The following ARMC3 variants were observed in gnomAD, a reference collection of about 807,000 sequenced individuals.
ARMC3 encodes armadillo repeat-containing protein 3.
ARMC3 carries 74 observed loss-of-function variants against 90.3 expected under a neutral mutation model. The ratio of observed to expected loss-of-function variants is 0.82; its 90% CI spans 0.68 to 0.99. The LOEUF (loss-of-function observed/expected upper bound fraction) is 0.99, where lower values mean the gene tolerates loss of function less well. ARMC3 is among the 50% of genes least tolerant of loss of function. The probability of loss-of-function intolerance (pLI) is 0.00; values close to 1 mark genes in which losing one functional copy is unlikely to be tolerated. For synonymous variants in ARMC3, 334 were observed against 361.8 expected, an observed-to-expected ratio of 0.92 and a Z score of 0.87; for missense variants, 958 against 1,042.8, an observed-to-expected ratio of 0.92 and a Z score of 1.12.
At chr10:22,951,451 G>A (rs1383073613) in intron 3 of ARMC3, among the ~76,000 whole-genome samples, 2 of 151,910 alleles carry the variant, frequency 1.3e-5, no homozygotes, top group South Asian at 2.1e-4. Context: ...CACTTTAAGA[G>A]CAGTAGAGTA....
intron 8 of ARMC3, among the ~76,000 whole-genome samples, chr10:22,974,468 T>C (rs1200719008): frequency 6.6e-6 from 1 of 152,192 alleles, no homozygotes; most frequent in Non-Finnish European, 1.5e-5. Context: ...TCTATGCTGT[T>C]CATTTCTTTG....
intron 10 of ARMC3, among the ~76,000 whole-genome samples, chr10:22,982,690 G>T (rs192941364): frequency 7.2e-5 from 11 of 152,268 alleles, no homozygotes; most frequent in South Asian, 2.1e-4. Context: ...TTTATTGAAG[G>T]CAGCTTCCAT....
intron 2 of ARMC3, among the ~76,000 whole-genome samples, chr10:22,935,314 C>T (rs1030049453): frequency 6.6e-6 from 1 of 152,202 alleles, no homozygotes; most frequent in Non-Finnish European, 1.5e-5. Flanking sequence ...AATCTCAGAA[C>T]TCAACCTTTC....
intron 2 of ARMC3, among the ~76,000 whole-genome samples, chr10:22,939,179 T>C (rs1029506988): frequency 6.6e-6 from 1 of 152,210 alleles, no homozygotes; most frequent in Non-Finnish European, 1.5e-5. Flanking sequence ...TTGGTTTTTA[T>C]TTTAAAATAA....
chr10:23,008,270 T>G lies in ARMC3; in HGVS notation c.1830-6T>G, dbSNP rs1186276961. On this transcript the variant is annotated splice_region_variant and splice_polypyrimidine_tract_variant and intron_variant, in intron 14 of 18. Transcript: ENST00000298032. ...TATATATAATTTTAAATGTGTAAAATTTTAGTTCTCCACCTTCATCTATGG... is the reference window on the plus strand; with the variant it reads ...TATATATAATTTTAAATGTGTAAAAGTTTAGTTCTCCACCTTCATCTATGG... 1.1e-5 allele frequency: 15 copies of G among 1,423,426 alleles called. No homozygotes were observed. Among genetic ancestry groups the G allele is most frequent in the Admixed American group, 6.6e-5 (3 of 45,122 alleles). 88.2% of individuals were successfully genotyped at this position (1,423,426 alleles called of 1,614,324 possible). A position where few individuals can be genotyped will look rare whatever the true frequency, so the allele number is the denominator to read the frequency against.
intron 10 of ARMC3, among the ~76,000 whole-genome samples, chr10:22,982,796 T>C (rs1465618040): frequency 1.3e-5 from 2 of 152,196 alleles, no homozygotes; most frequent in African/African-American, 4.8e-5. Flanking sequence ...AAAATTACCC[T>C]TTTTCTAACT....
At chr10:22,973,753 C>CTTTTTTTT (rs56405413) in intron 8 of ARMC3, among the ~76,000 whole-genome samples, 12 of 79,916 alleles carry the variant, frequency 1.5e-4, no homozygotes, top group South Asian at 4.5e-4. Flanking sequence ...CTTTGTCTTT[C>CTTTTTTTT]TTTTTTTTTT....
intron 16 of ARMC3, among the ~76,000 whole-genome samples, chr10:23,015,097 A>G (rs567000047): frequency 1.4e-4 from 22 of 152,242 alleles, no homozygotes; most frequent in Admixed American, 5.9e-4. Context: ...AGAGGAGAGA[A>G]GAGATGGGAA....
chr10:22,930,841 C>T (rs1464472562), intron 1 of ARMC3, among the ~76,000 whole-genome samples: 1 of 152,128 alleles, frequency 6.6e-6, no homozygotes, highest in African/African-American at 2.4e-5. Context: ...TTAAGATGGC[C>T]CTGATGTCAA....
intron 16 of ARMC3, among the ~76,000 whole-genome samples, chr10:23,012,367 C>T (rs893294831): frequency 6.6e-6 from 1 of 152,120 alleles, no homozygotes; most frequent in African/African-American, 2.4e-5. Context: ...TCATCCTTTG[C>T]AATACCGTAA....
At chr10:22,959,624 T>C (rs750730571) in intron 6 of ARMC3, 50 bp downstream of exon 6, 4 of 1,514,336 alleles carry the variant, frequency 2.6e-6, no homozygotes, top group Non-Finnish European at 3.5e-6. Context: ...TTTTAGAATT[T>C]ATTTTCCCAT....
chr10:22,937,965 G>A (rs1270225690), intron 2 of ARMC3, among the ~76,000 whole-genome samples: 1 of 152,152 alleles, frequency 6.6e-6, no homozygotes, highest in Non-Finnish European at 1.5e-5. Flanking sequence ...CATAAAGATG[G>A]GGAGAAAGGA....
rs141879228 is a variant in ARMC3, at chr10:22,988,537, T to A, written c.1175+6837T>A. On this transcript the variant is annotated intron_variant, in intron 10 of 18. Coordinates refer to ENST00000298032, the MANE Select transcript of ARMC3 (RefSeq NM_173081.5). Reference sequence around the variant, plus strand: ...TGTGTATTTATTGTTACCATTTCTTTTATTCTATTGATTTTAGGCTAATGG... The same window carrying A: ...TGTGTATTTATTGTTACCATTTCTTATATTCTATTGATTTTAGGCTAATGG... Among the ~76,000 whole-genome samples, 584 of 152,348 alleles carry A rather than the reference T, an allele frequency of 3.8e-3. 7 individuals are homozygous for A. Among genetic ancestry groups the A allele is most frequent in the African/African-American group, 0.013 (527 of 41,578 alleles).
intron 14 of ARMC3, among the ~76,000 whole-genome samples, chr10:23,007,949 C>CA (rs1356014322): frequency 6.6e-6 from 1 of 151,934 alleles, no homozygotes; most frequent in Non-Finnish European, 1.5e-5. Flanking sequence ...ACAAAAAATA[C>CA]AAAAATTAGC....
At chr10:22,990,942 C>G (rs970531597) in intron 10 of ARMC3, among the ~76,000 whole-genome samples, 1 of 151,920 alleles carries the variant, frequency 6.6e-6, no homozygotes, top group Non-Finnish European at 1.5e-5. Context: ...CCTTTTTCCC[C>G]GGGTTCCTTT....
chr10:22,929,068 A>G (rs1470622371), intron 1 of ARMC3, among the ~76,000 whole-genome samples: 1 of 152,090 alleles, frequency 6.6e-6, no homozygotes, highest in African/African-American at 2.4e-5. Context: ...TCTACTGAAA[A>G]TACAAAAATT....
At chr10:23,014,326 C>A in intron 16 of ARMC3, 21 of 1,378,248 alleles carry the variant, frequency 1.5e-5, no homozygotes, top group Non-Finnish European at 1.8e-5. Context: ...AATGTGCGTC[C>A]CTTCTCTCTT....
chr10:22,933,577 A>G (rs1371010838), intron 2 of ARMC3, among the ~76,000 whole-genome samples: 1 of 152,060 alleles, frequency 6.6e-6, no homozygotes, highest in African/African-American at 2.4e-5. Context: ...ACATTGACCA[A>G]TGGTCCTTAC....
At chr10:23,006,219 G>A (rs1427206681) in intron 13 of ARMC3, among the ~76,000 whole-genome samples, 1 of 152,202 alleles carries the variant, frequency 6.6e-6, no homozygotes, top group East Asian at 1.9e-4. Context: ...CTAGCAAAGT[G>A]CGAGGAGAGC....
Sources: gnomAD v4.1 joint callset for allele counts (sites outside exome capture counted in the v4.1 genomes callset) on GRCh38, gnomAD v4.1.1 for gene constraint, MANE v1.5 for transcripts, NCBI Gene and HGNC (gene_info 2026-07-23, HGNC 2026-07-21) for gene names.